Variants in CERS3 observed in about 807,000 individuals in gnomAD.
The protein encoded by CERS3 is LAG1 homolog, ceramide synthase 3.
A neutral mutation model predicts 50.3 loss-of-function variants in CERS3; 33 were observed. The ratio of observed to expected loss-of-function variants is 0.66; its 90% CI spans 0.50 to 0.88. CERS3 has a LOEUF of 0.88. Ranked by LOEUF, CERS3 falls within the 40% of genes least tolerant of loss-of-function variation. The pLI is 0.00. For missense variants in CERS3, 470 were observed against 460.3 expected (o/e 1.02, Z -0.19); for synonymous variants, 176 against 155.2 (o/e 1.13, Z -0.99).
chr15:100,523,700 CAAAAAAAAAAA>C (rs34875423), intron 1 of CERS3, among the ~76,000 whole-genome samples: 1 of 51,510 alleles, frequency 1.9e-5, no homozygotes, highest in Non-Finnish European at 4.5e-5. Flanking sequence ...GACTCCATCT[CAAAAAAAAAAA>C]AAAAAAAAAG....
intron 11 of CERS3, among the ~76,000 whole-genome samples, chr15:100,445,391 TTAAAG>T (rs1230000773): frequency 6.6e-6 from 1 of 152,154 alleles, no homozygotes; most frequent in African/African-American, 2.4e-5. Context: ...CTCTTAACTC[TTAAAG>T]TAAATAAATA....
intron 10 of CERS3, among the ~76,000 whole-genome samples, chr15:100,467,054 C>T (rs2034767781): frequency 1.3e-5 from 2 of 151,800 alleles, no homozygotes; most frequent in South Asian, 4.2e-4. Context: ...TGGGGTTTCA[C>T]CATGTTGGGC....
At chr15:100,496,808 A>T (rs1456177150) in intron 3 of CERS3, among the ~76,000 whole-genome samples, 1 of 152,192 alleles carries the variant, frequency 6.6e-6, no homozygotes, top group African/African-American at 2.4e-5. Context: ...TTAAATGCTG[A>T]CAATTTTAGT....
intron 2 of CERS3, among the ~76,000 whole-genome samples, chr15:100,510,085 C>T (rs1224013619): frequency 2.6e-5 from 4 of 151,544 alleles, no homozygotes; most frequent in South Asian, 2.1e-4. Flanking sequence ...TTAGCAGCTA[C>T]GCACCTCCTG....
intron 8 of CERS3, among the ~76,000 whole-genome samples, 199 bp from the exon 9 acceptor site, chr15:100,473,251 G>A (rs754711117): frequency 6.6e-5 from 10 of 152,114 alleles, no homozygotes; most frequent in Non-Finnish European, 1.0e-4. Context: ...ATCATTTAAC[G>A]TTGAGATACC....
intron 5 of CERS3, among the ~76,000 whole-genome samples, chr15:100,481,996 C>G (rs1299403790): frequency 6.6e-6 from 1 of 152,084 alleles, no homozygotes; most frequent in Admixed American, 6.5e-5. Context: ...TGTGTAGTCT[C>G]CTGTTTTATA....
intron 2 of CERS3, among the ~76,000 whole-genome samples, chr15:100,517,285 C>A (rs1422482984): frequency 3.3e-5 from 5 of 152,222 alleles, no homozygotes; most frequent in African/African-American, 9.6e-5. Context: ...ATTGACACTG[C>A]AGTCACTATT....
chr15:100,428,729 T>C (rs2032963758), intron 11 of CERS3, among the ~76,000 whole-genome samples: 1 of 152,176 alleles, frequency 6.6e-6, no homozygotes, highest in African/African-American at 2.4e-5. Flanking sequence ...TACAATCTAT[T>C]GAAAGAACTG....
chr15:100,508,624 A>C (rs1306070530), intron 2 of CERS3, among the ~76,000 whole-genome samples: 1 of 152,222 alleles, frequency 6.6e-6, no homozygotes, highest in Non-Finnish European at 1.5e-5. Flanking sequence ...CTTTTCGGTC[A>C]GTCTCAGGAG....
chr15:100,503,686 A>T (rs1410363177), intron 2 of CERS3: 1 of 470,806 alleles, frequency 2.1e-6, no homozygotes. Context: ...CCCCCTCCCC[A>T]CTTTGCTTCA....
intron 5 of CERS3, among the ~76,000 whole-genome samples, chr15:100,483,112 A>T (rs2035363473): frequency 6.6e-6 from 1 of 152,136 alleles, no homozygotes; most frequent in South Asian, 2.1e-4. Flanking sequence ...TTCTTTTGGC[A>T]ACCTGACCCA....
In CERS3 at chr15:100,413,564, C is replaced by T. The variant is rs185371827; in HGVS notation, c.1000-10699G>A. Among the ~76,000 whole-genome samples the T allele has an allele frequency of 6.9e-5, 10 of 144,290 alleles. No homozygotes were observed. In the East Asian group the frequency reaches 1.5e-3, roughly 21 times the overall value. The allele number at this position is 144,290 out of a possible 152,430, so 94.7% of individuals were successfully genotyped here. ...ATACTATACTATACTATACTATATG[C>T]TCAATCTTAGTAATCAGTAAAATGC... On this transcript the variant is annotated intron_variant, in intron 11 of 11. Coordinates refer to ENST00000679737, the MANE Select transcript of CERS3 (RefSeq NM_001378789.1).
chr15:100,431,411 A>G (rs1300608350), intron 11 of CERS3, among the ~76,000 whole-genome samples: 1 of 152,216 alleles, frequency 6.6e-6, no homozygotes, highest in African/African-American at 2.4e-5. Flanking sequence ...TCTACAAAAG[A>G]ATCCCAATGT....
rs143114640 is a variant in CERS3, at chr15:100,414,819, T to TAAA, written c.1000-11957_1000-11955dup. Reference sequence around the variant, plus strand: ...CCTTAAATGTAAAACCCAAAATGATTAAAAAAAAAAAACCCTGGAAGAAAA... The same window carrying TAAA: ...CCTTAAATGTAAAACCCAAAATGATTAAAAAAAAAAAAAAACCCTGGAAGAAAA... On this transcript the variant is annotated intron_variant, in intron 11 of 11. Transcript: ENST00000679737. Among the ~76,000 whole-genome samples the TAAA allele has an allele frequency of 5.1e-3, 724 of 141,230 alleles. 6 individuals are homozygous for TAAA. The highest frequency in any genetic ancestry group is 0.018 in the African/African-American group (688 of 38,218). The allele number at this position is 141,230 out of a possible 152,430, so 92.7% of individuals were successfully genotyped here. A position where few individuals can be genotyped will look rare whatever the true frequency, so the allele number is the denominator to read the frequency against.
At chr15:100,417,443 C>G (rs2032020801) in intron 11 of CERS3, among the ~76,000 whole-genome samples, 1 of 152,102 alleles carries the variant, frequency 6.6e-6, no homozygotes, top group African/African-American at 2.4e-5. Flanking sequence ...CCCACGGAGT[C>G]TCGCTGATTG....
At chr15:100,430,527 T>C (rs1301869338) in intron 11 of CERS3, among the ~76,000 whole-genome samples, 1 of 152,192 alleles carries the variant, frequency 6.6e-6, no homozygotes, top group Non-Finnish European at 1.5e-5. Context: ...TGTAACTAAA[T>C]GCTGTGCTTG....
chr15:100,442,393 C>T (rs1429866370), intron 11 of CERS3, among the ~76,000 whole-genome samples: 2 of 152,218 alleles, frequency 1.3e-5, no homozygotes, highest in African/African-American at 4.8e-5. Flanking sequence ...TCAAGGTGTA[C>T]AATAATAGAA....
At chr15:100,540,016 C>G (rs1210642657) in intron 1 of CERS3, among the ~76,000 whole-genome samples, 1 of 152,180 alleles carries the variant, frequency 6.6e-6, no homozygotes, top group Non-Finnish European at 1.5e-5. Flanking sequence ...AATATGACTT[C>G]TTTATGCTGA....
intron 5 of CERS3, among the ~76,000 whole-genome samples, chr15:100,482,411 C>T (rs903073371): frequency 1.6e-4 from 25 of 152,036 alleles, no homozygotes; most frequent in Non-Finnish European, 2.9e-4. Context: ...GGGGACGCTG[C>T]ATAGAGTGGG....
Sources: gnomAD v4.1 joint callset for allele counts (sites outside exome capture counted in the v4.1 genomes callset) on GRCh38, gnomAD v4.1.1 for gene constraint, MANE v1.5 for transcripts, NCBI Gene and HGNC (gene_info 2026-07-23, HGNC 2026-07-21) for gene names.